SMAP1: variants seen among roughly 807,000 people sequenced by gnomAD.
SMAP1 encodes small ArfGAP 1.
In SMAP1, 24 loss-of-function variants were observed where a neutral mutation model predicts 58.5. That is an observed-to-expected ratio of 0.41 (90% CI 0.30 to 0.58). SMAP1 has a LOEUF of 0.58. Among genes scored for constraint, SMAP1 ranks in the 20% least tolerant of loss-of-function variants. The pLI is 0.29. For missense variants in SMAP1, 563 were observed against 566.3 expected, an observed-to-expected ratio of 0.99 and a Z score of 0.06; for synonymous variants, 216 against 196.6, an observed-to-expected ratio of 1.10 and a Z score of -0.82.
intron 8 of SMAP1, among the ~76,000 whole-genome samples, chr6:70,853,175 T>C (rs1771253650): frequency 6.6e-6 from 1 of 152,210 alleles, no homozygotes; most frequent in African/African-American, 2.4e-5. Flanking sequence ...AATTATGTTT[T>C]AAGTTAGCCT....
At chr6:70,771,765 T>C (rs1013140613) in intron 3 of SMAP1, among the ~76,000 whole-genome samples, 2 of 152,168 alleles carry the variant, frequency 1.3e-5, no homozygotes, top group Non-Finnish European at 2.9e-5. Context: ...CACTGTCCTG[T>C]GCCCACTGTC....
At chr6:70,766,869 T>C (rs1767011299) in intron 3 of SMAP1, among the ~76,000 whole-genome samples, 1 of 152,242 alleles carries the variant, frequency 6.6e-6, no homozygotes, top group Admixed American at 6.5e-5. Context: ...CCAGGGCTTT[T>C]ATGGTTTTAG....
At chr6:70,820,845 A>G (rs2149981233) in intron 6 of SMAP1, among the ~76,000 whole-genome samples, 1 of 151,986 alleles carries the variant, frequency 6.6e-6, no homozygotes, top group Admixed American at 6.5e-5. Flanking sequence ...TTGCTTTTTT[A>G]TAATAAGCAT....
intron 1 of SMAP1, among the ~76,000 whole-genome samples, chr6:70,679,453 T>C (rs1766612948): frequency 6.6e-6 from 1 of 152,228 alleles, no homozygotes; most frequent in Admixed American, 6.5e-5. Flanking sequence ...TTTAACAATC[T>C]CTTTGCAATG....
intron 1 of SMAP1, among the ~76,000 whole-genome samples, chr6:70,722,652 A>G (rs1768581151): frequency 6.6e-6 from 1 of 152,266 alleles, no homozygotes; most frequent in Non-Finnish European, 1.5e-5. Flanking sequence ...ATTGACAGCA[A>G]GCCAGTGATA....
chr6:70,832,521 G>T (rs1301778208), intron 6 of SMAP1, among the ~76,000 whole-genome samples: 2 of 152,168 alleles, frequency 1.3e-5, no homozygotes, highest in East Asian at 1.9e-4. Context: ...TCTATGCAAA[G>T]ATTTTCTTTA....
At chr6:70,856,608 G>A in intron 8 of SMAP1, 1 of 297,444 alleles carries the variant, frequency 3.4e-6, no homozygotes, top group East Asian at 5.4e-5. Context: ...ACCTTAGGTA[G>A]TAAATGCAAC....
chr6:70,708,762 T>C (rs1447931170), intron 1 of SMAP1, among the ~76,000 whole-genome samples: 1 of 152,228 alleles, frequency 6.6e-6, no homozygotes, highest in African/African-American at 2.4e-5. Flanking sequence ...TTTTATGCCT[T>C]CTTTGGAAAA....
intron 4 of SMAP1, among the ~76,000 whole-genome samples, chr6:70,774,648 G>A (rs986039448): frequency 6.6e-6 from 1 of 151,670 alleles, no homozygotes; most frequent in African/African-American, 2.4e-5. Context: ...GGAGGCCAAG[G>A]TGGGAGGATC....
chr6:70,769,262 T>A (rs1372064598), intron 3 of SMAP1, among the ~76,000 whole-genome samples: 1 of 152,222 alleles, frequency 6.6e-6, no homozygotes. Flanking sequence ...AGATGTCTAT[T>A]AAGTCCGCTT....
intron 1 of SMAP1, among the ~76,000 whole-genome samples, chr6:70,680,279 C>G (rs971986422): frequency 6.6e-6 from 1 of 152,150 alleles, no homozygotes; most frequent in Non-Finnish European, 1.5e-5. Flanking sequence ...TTGAATTAAG[C>G]AGAGGATTCT....
At chr6:70,805,357 AT>A (rs1353397443) in intron 6 of SMAP1, among the ~76,000 whole-genome samples, 1 of 152,122 alleles carries the variant, frequency 6.6e-6, no homozygotes, top group African/African-American at 2.4e-5. Flanking sequence ...CCATCAGGTC[AT>A]TTAAGGTCTT....
At chr6:70,784,010 C>T in intron 4 of SMAP1, among the ~76,000 whole-genome samples, 1 of 152,066 alleles carries the variant, frequency 6.6e-6, no homozygotes, top group Admixed American at 6.6e-5. Context: ...TCAGATTCAC[C>T]AAGGTTGAAA....
chr6:70,796,901 G>T (rs1768630114), intron 5 of SMAP1, among the ~76,000 whole-genome samples: 1 of 152,092 alleles, frequency 6.6e-6, no homozygotes, highest in South Asian at 2.1e-4. Context: ...AAAGGAGCCT[G>T]ATATATAAAC....
chr6:70,712,685 A>AT (rs1768100522), intron 1 of SMAP1, among the ~76,000 whole-genome samples: 1 of 151,230 alleles, frequency 6.6e-6, no homozygotes, highest in Non-Finnish European at 1.5e-5. Flanking sequence ...GTTCCTAGGA[A>AT]TTTATCTGTT....
chr6:70,708,880 T>C (rs1398180903), intron 1 of SMAP1, among the ~76,000 whole-genome samples: 3 of 152,232 alleles, frequency 2.0e-5, no homozygotes, highest in Non-Finnish European at 4.4e-5. Flanking sequence ...AACAGAGAGA[T>C]GGTTTGCAAA....
rs761111587 is a variant in SMAP1 at position 70,852,654 on chromosome 6, C to G, written c.779C>G (p.Pro260Arg). 5.6e-6 allele frequency: 9 copies of G among 1,601,602 alleles called. 1 individual carries two copies. In the South Asian group the frequency reaches 1.0e-4, roughly 18 times the overall value. The change falls in exon 8 of 11, where the codon CCC becomes CGC. Residue 260 changes from proline to arginine, a missense_variant. Physicochemically the swap from Pro to Arg is moderately radical, Grantham distance 103. Transcript: ENST00000370455. The part of the protein sequence containing the change: ...ISNPLPATVM[P>R]PAQGTPSAPA... ...AATCCCTTACCTGCAACTGTCATGC[C>G]CCCAGCTCAGGTATGTGATAAGAAT...
intron 1 of SMAP1, among the ~76,000 whole-genome samples, chr6:70,684,169 T>G (rs986066193): frequency 4.6e-5 from 7 of 152,356 alleles, no homozygotes; most frequent in African/African-American, 1.7e-4. Context: ...TAAACATGTT[T>G]TCAAAATTTG....
chr6:70,714,105 T>C (rs1768168284), intron 1 of SMAP1, among the ~76,000 whole-genome samples: 1 of 152,196 alleles, frequency 6.6e-6, no homozygotes, highest in South Asian at 2.1e-4. Context: ...TCCTTCACTT[T>C]CCACGTATGT....
Sources: gnomAD v4.1 joint callset for allele counts (sites outside exome capture counted in the v4.1 genomes callset) on GRCh38, gnomAD v4.1.1 for gene constraint, MANE v1.5 for transcripts, NCBI Gene and HGNC (gene_info 2026-07-23, HGNC 2026-07-21) for gene names.